The following DTNA variants were observed in gnomAD, a reference collection of about 807,000 sequenced individuals.
The protein encoded by DTNA is dystrophin-related protein 3.
A neutral mutation model predicts 100.7 loss-of-function variants in DTNA; 43 were observed. The observed-to-expected ratio is 0.43, with a 90% CI of 0.33 to 0.55. DTNA has a LOEUF of 0.55. DTNA is among the 20% of genes least tolerant of loss of function. The probability of loss-of-function intolerance (pLI) is 0.04; values close to 1 mark genes in which losing one functional copy is unlikely to be tolerated. For synonymous variants in DTNA, 349 were observed against 347.9 expected (o/e 1.00, Z -0.04); for missense variants, 798 against 953.9 (o/e 0.84, Z 2.15).
At chr18:34,856,800 C>T (rs1484239392) in intron 15 of DTNA, among the ~76,000 whole-genome samples, 3 of 152,224 alleles carry the variant, frequency 2.0e-5, no homozygotes, top group Admixed American at 6.5e-5. Context: ...ACTGACTACT[C>T]GATGCACGTT....
intron 1 of DTNA, among the ~76,000 whole-genome samples, chr18:34,654,780 G>T (rs1406897364): frequency 1.3e-5 from 2 of 151,976 alleles, no homozygotes; most frequent in South Asian, 2.1e-4. Context: ...AGGCTGGAGT[G>T]CAGTGGTGCA....
At chr18:34,591,393 T>C (rs1336206518) in intron 1 of DTNA, among the ~76,000 whole-genome samples, 1 of 152,230 alleles carries the variant, frequency 6.6e-6, no homozygotes, top group Non-Finnish European at 1.5e-5. Context: ...GGTTAAGATA[T>C]ACACTTGCAC....
At chr18:34,807,047 A>C (rs2095379896) in intron 5 of DTNA, among the ~76,000 whole-genome samples, 1 of 152,164 alleles carries the variant, frequency 6.6e-6, no homozygotes, top group Non-Finnish European at 1.5e-5. Flanking sequence ...TTTAGCATAC[A>C]TCAGAATCAC....
intron 6 of DTNA, among the ~76,000 whole-genome samples, chr18:34,815,383 A>T (rs538275216): frequency 4.6e-5 from 7 of 152,332 alleles, no homozygotes; most frequent in East Asian, 1.9e-4. Context: ...GCAAATTTTT[A>T]AAAATGTAGA....
chr18:34,869,829 G>A (rs1009779508), intron 17 of DTNA, among the ~76,000 whole-genome samples: 2 of 152,172 alleles, frequency 1.3e-5, no homozygotes, highest in Admixed American at 6.5e-5. Context: ...AGACCATCCC[G>A]GCTAACACGG....
intron 1 of DTNA, among the ~76,000 whole-genome samples, chr18:34,510,622 CTTTTTTTTT>C (rs1027138316): frequency 3.0e-4 from 28 of 92,844 alleles, no homozygotes; most frequent in African/African-American, 1.1e-3. Flanking sequence ...ACTGGCCATT[CTTTTTTTTT>C]TTTTTTTTTT....
intron 20 of DTNA, among the ~76,000 whole-genome samples, chr18:34,881,309 G>A (rs1245961221): frequency 6.6e-6 from 1 of 152,098 alleles, no homozygotes; most frequent in Non-Finnish European, 1.5e-5. Flanking sequence ...TTTAGGTAGT[G>A]AGTTTATGTC....
chr18:34,757,432 AT>A (rs1422904919), intron 2 of DTNA: 4 of 152,178 alleles, frequency 2.6e-5, no homozygotes, highest in African/African-American at 9.7e-5. Flanking sequence ...TAGAAAAAAA[AT>A]ATTTACCATA....
In DTNA at chr18:34,867,796, C is replaced by T. The variant is rs1347611012; in HGVS notation, c.1743+3734C>T. ...AACTGTGGCAGTGCCCCCAAGGTGG[C>T]GCCACTGCCCCCTCACCTTCCAGCT... On this transcript the variant is annotated intron_variant, in intron 17 of 22. Transcript: ENST00000444659. The T allele has an allele frequency of 5.1e-6, 5 of 985,308 alleles. No homozygotes were observed. The African/African-American group carries it at 5.2e-5, about 10-fold the overall frequency. 61.0% of individuals were successfully genotyped at this position (985,308 alleles called of 1,614,324 possible).
intron 1 of DTNA, among the ~76,000 whole-genome samples, chr18:34,725,142 C>T (rs993655859): frequency 6.6e-6 from 1 of 151,966 alleles, no homozygotes; most frequent in Admixed American, 6.6e-5. Flanking sequence ...CCATAAAAAC[C>T]CTAGAAGAAA....
chr18:34,528,861 A>G (rs370584626), intron 1 of DTNA, among the ~76,000 whole-genome samples: 41 of 152,102 alleles, frequency 2.7e-4, no homozygotes, highest in African/African-American at 9.4e-4. Flanking sequence ...AGCATAATTT[A>G]TGTTTTCACA....
intron 1 of DTNA, among the ~76,000 whole-genome samples, chr18:34,715,590 A>G (rs1208904921): frequency 2.0e-5 from 3 of 152,122 alleles, no homozygotes; most frequent in Admixed American, 1.3e-4. Flanking sequence ...CATCCCTGAC[A>G]TGAAAGAAAA....
At chr18:34,725,146 G>A (rs1227940351) in intron 1 of DTNA, among the ~76,000 whole-genome samples, 1 of 152,062 alleles carries the variant, frequency 6.6e-6, no homozygotes, top group Non-Finnish European at 1.5e-5. Flanking sequence ...AAAAACCCTA[G>A]AAGAAAACCT....
intron 21 of DTNA, among the ~76,000 whole-genome samples, chr18:34,883,002 A>G (rs747344068): frequency 1.3e-5 from 2 of 152,156 alleles, no homozygotes; most frequent in Non-Finnish European, 2.9e-5. Flanking sequence ...GGACGGACAG[A>G]TTTTCAGATG....
Position 34,864,066 on chromosome 18 carries a change from A to G in DTNA, c.1743+4A>G, listed in dbSNP as rs1231723303. On this transcript the variant is annotated splice_donor_region_variant and intron_variant, in intron 17 of 22. Coordinates refer to ENST00000444659, the MANE Select transcript of DTNA (RefSeq NM_001386795.1). Reference sequence around the variant, plus strand: ...GGGTCTCATGAAGCTACTAAAGGTAAGACCTGCCAGATAAATTTTCCTGAG... The same window carrying G: ...GGGTCTCATGAAGCTACTAAAGGTAGGACCTGCCAGATAAATTTTCCTGAG... 2 of 1,604,234 alleles carry G rather than the reference A, an allele frequency of 1.2e-6. No individual in the cohort carries two copies. The highest frequency in any genetic ancestry group is 1.7e-6 in the Non-Finnish European group (2 of 1,175,082).
At chr18:34,791,479 G>A (rs2094740276) in intron 3 of DTNA, among the ~76,000 whole-genome samples, 1 of 152,122 alleles carries the variant, frequency 6.6e-6, no homozygotes. Context: ...AGTAATTAGA[G>A]GAATCCCAGC....
chr18:34,661,198 G>T (rs1372982080), intron 1 of DTNA, among the ~76,000 whole-genome samples: 2 of 152,138 alleles, frequency 1.3e-5, no homozygotes, highest in Non-Finnish European at 2.9e-5. Flanking sequence ...CAAAGAATAT[G>T]AGATGCTCTC....
chr18:34,879,826 G>A (rs2096854539), intron 20 of DTNA, 107 bp downstream of exon 20: 2 of 1,397,040 alleles, frequency 1.4e-6, no homozygotes, highest in African/African-American at 1.4e-5. Context: ...CCTTCAGAAG[G>A]GGTGACATAG....
intron 1 of DTNA, among the ~76,000 whole-genome samples, chr18:34,716,439 T>C (rs1180126449): frequency 2.0e-5 from 3 of 152,118 alleles, no homozygotes; most frequent in African/African-American, 7.2e-5. Context: ...GGCAGGCGCC[T>C]GTAATCCCAG....
Sources: gnomAD v4.1 joint callset for allele counts (sites outside exome capture counted in the v4.1 genomes callset) on GRCh38, gnomAD v4.1.1 for gene constraint, MANE v1.5 for transcripts, NCBI Gene and HGNC (gene_info 2026-07-23, HGNC 2026-07-21) for gene names.